Variants in TBC1D8 observed in about 807,000 individuals in gnomAD.
The protein encoded by TBC1D8 is BUB2-like protein 1.
TBC1D8 carries 65 observed loss-of-function variants against 118.8 expected under a neutral mutation model. The observed-to-expected ratio is 0.55, with a 90% CI of 0.45 to 0.67. TBC1D8 has a LOEUF of 0.67. TBC1D8 is among the 30% of genes least tolerant of loss of function. The pLI, the probability that TBC1D8 is intolerant of heterozygous loss-of-function variation, is 0.00. For synonymous variants in TBC1D8, 566 were observed against 595.8 expected, an observed-to-expected ratio of 0.95 and a Z score of 0.73; for missense variants, 1,376 against 1,471.2, an observed-to-expected ratio of 0.94 and a Z score of 1.06.
intron 2 of TBC1D8, among the ~76,000 whole-genome samples, chr2:101,078,857 G>A (rs1640709292): frequency 6.6e-6 from 1 of 151,550 alleles, no homozygotes; most frequent in South Asian, 2.1e-4. Flanking sequence ...ACGGGCAGAA[G>A]TGGTTACTCC....
intron 2 of TBC1D8, among the ~76,000 whole-genome samples, 187 bp downstream of exon 2, chr2:101,090,022 G>C (rs1195572507): frequency 6.7e-6 from 1 of 149,464 alleles, no homozygotes; most frequent in Non-Finnish European, 1.5e-5. Flanking sequence ...GAAGGAAGAG[G>C]AGGGCAGGGG....
At chr2:101,027,633 T>A (rs2105383596) in intron 14 of TBC1D8, among the ~76,000 whole-genome samples, 182 bp from the exon 15 acceptor site, 1 of 152,348 alleles carries the variant, frequency 6.6e-6, no homozygotes, top group Admixed American at 6.5e-5. Flanking sequence ...TGTTTCATCC[T>A]TAGCCTCTTT....
chr2:101,037,803 A>G, intron 7 of TBC1D8, 95 bp from the exon 8 acceptor site: 1 of 1,502,824 alleles, frequency 6.7e-7, no homozygotes. Context: ...CTTTGGATGC[A>G]CGGGCATAGC....
chr2:101,056,753 G>A (rs1206002486), intron 3 of TBC1D8, among the ~76,000 whole-genome samples: 1 of 152,202 alleles, frequency 6.6e-6, no homozygotes, highest in Non-Finnish European at 1.5e-5. Context: ...AGGCACGGCT[G>A]CAGGGTGGTA....
intron 1 of TBC1D8, among the ~76,000 whole-genome samples, chr2:101,122,598 T>C (rs192636756): frequency 4.5e-4 from 68 of 152,258 alleles, no homozygotes; most frequent in Non-Finnish European, 5.7e-4. Flanking sequence ...TTTCCAATAA[T>C]ACTCTATTGA....
intron 19 of TBC1D8, among the ~76,000 whole-genome samples, chr2:101,010,056 G>A (rs905481082): frequency 2.0e-5 from 3 of 151,748 alleles, no homozygotes; most frequent in Non-Finnish European, 4.4e-5. Flanking sequence ...TCAATCTTCT[G>A]ACCTCGTAAT....
intron 2 of TBC1D8, among the ~76,000 whole-genome samples, chr2:101,073,752 C>A (rs1243160342): frequency 6.6e-6 from 1 of 152,220 alleles, no homozygotes; most frequent in African/African-American, 2.4e-5. Context: ...TTCCCTAAAC[C>A]TGATTAACCA....
At position 101,047,271 on chromosome 2, in the gene TBC1D8, G is replaced by A. The variant is rs150878065; in HGVS notation, c.872+3130C>T. 1.3e-3 allele frequency among the ~76,000 whole-genome samples: 205 copies of A among 152,302 alleles called. 1 individual carries two copies. The highest frequency in any genetic ancestry group is 4.8e-3 in the African/African-American group (199 of 41,580). On this transcript the variant is annotated intron_variant, in intron 5 of 19. Transcript: ENST00000409318. ...GCACCCCCTACCCTCCCTGCTCCCAGGGGAGCTACGAGCGGCTCCGCACTG... is the reference window on the plus strand; with the variant it reads ...GCACCCCCTACCCTCCCTGCTCCCAAGGGAGCTACGAGCGGCTCCGCACTG...
At chr2:101,130,192 A>G (rs1323513173) in intron 1 of TBC1D8, among the ~76,000 whole-genome samples, 3 of 152,186 alleles carry the variant, frequency 2.0e-5, no homozygotes, top group Non-Finnish European at 4.4e-5. Context: ...AAATGAGTCC[A>G]CTTCATTCCA....
chr2:101,009,196 AT>A (rs1678986045), intron 19 of TBC1D8, among the ~76,000 whole-genome samples: 2 of 151,904 alleles, frequency 1.3e-5, no homozygotes, highest in African/African-American at 4.8e-5. Context: ...GATTGAGACC[AT>A]CCTGGCTAAC....
chr2:101,017,074 TAA>T (rs376317331), intron 17 of TBC1D8, among the ~76,000 whole-genome samples: 10 of 132,988 alleles, frequency 7.5e-5, no homozygotes, highest in African/African-American at 8.3e-5. Flanking sequence ...TTAAAAGTAT[TAA>T]AAAAAAAAAA....
At chr2:101,121,720 A>G (rs938305010) in intron 1 of TBC1D8, among the ~76,000 whole-genome samples, 1 of 152,246 alleles carries the variant, frequency 6.6e-6, no homozygotes, top group Non-Finnish European at 1.5e-5. Flanking sequence ...GCACAATGCT[A>G]TTATTCCAGT....
intron 7 of TBC1D8, among the ~76,000 whole-genome samples, chr2:101,038,251 CT>C (rs1295322041): frequency 6.6e-6 from 1 of 152,170 alleles, no homozygotes; most frequent in Non-Finnish European, 1.5e-5. Context: ...CCCTTCTCAC[CT>C]GTGAGGGGTG....
At chr2:101,121,246 T>A (rs1035182805) in intron 1 of TBC1D8, among the ~76,000 whole-genome samples, 2 of 152,242 alleles carry the variant, frequency 1.3e-5, no homozygotes, top group African/African-American at 2.4e-5. Flanking sequence ...AAGGTTGTTA[T>A]CAGCTGTGCC....
At chr2:101,145,349 T>C (rs1295667770) in intron 1 of TBC1D8, among the ~76,000 whole-genome samples, 1 of 152,228 alleles carries the variant, frequency 6.6e-6, no homozygotes, top group Non-Finnish European at 1.5e-5. Context: ...ACTACTTCCT[T>C]TACTTGTGGT....
intron 17 of TBC1D8, among the ~76,000 whole-genome samples, chr2:101,016,198 A>G (rs1679622180): frequency 6.6e-6 from 1 of 152,254 alleles, no homozygotes; most frequent in Admixed American, 6.5e-5. Flanking sequence ...AATATCCAGA[A>G]TCTACAGTGA....
chr2:101,112,291 T>C (rs1228221554), intron 1 of TBC1D8, among the ~76,000 whole-genome samples: 2 of 152,224 alleles, frequency 1.3e-5, no homozygotes, highest in Admixed American at 1.3e-4. Context: ...GCTGTGGCTT[T>C]AAAGAATACA....
intron 1 of TBC1D8, among the ~76,000 whole-genome samples, chr2:101,144,237 C>T (rs1197370322): frequency 6.6e-6 from 1 of 152,176 alleles, no homozygotes; most frequent in East Asian, 1.9e-4. Flanking sequence ...CTATGACCTC[C>T]CTCCTGGAGC....
chr2:101,084,801 A>G (rs987515650), intron 2 of TBC1D8, among the ~76,000 whole-genome samples: 5 of 151,912 alleles, frequency 3.3e-5, no homozygotes, highest in Admixed American at 1.3e-4. Context: ...AAATGGACTT[A>G]AGGGATTGTG....
Sources: allele counts gnomAD v4.1 joint callset (sites outside exome capture counted in the v4.1 genomes callset), GRCh38; gene constraint gnomAD v4.1.1; transcripts MANE v1.5; gene names NCBI Gene and HGNC (gene_info 2026-07-23, HGNC 2026-07-21).